SYNPO2: variants seen among roughly 807,000 people sequenced by gnomAD.
SYNPO2 encodes synaptopodin-2.
SYNPO2 carries 56 observed loss-of-function variants against 85.0 expected under a neutral mutation model. The observed-to-expected ratio is 0.66, with a 90% CI of 0.53 to 0.82. SYNPO2 has a LOEUF of 0.82. SYNPO2 is among the 40% of genes least tolerant of loss of function. SYNPO2 has a pLI of 0.00. For missense variants in SYNPO2, 1,575 were observed against 1,534.2 expected (o/e 1.03, Z -0.44); for synonymous variants, 602 against 591.1 (o/e 1.02, Z -0.27).
At chr4:118,948,737 T>C (rs1261236770) in intron 1 of SYNPO2, among the ~76,000 whole-genome samples, 1 of 152,156 alleles carries the variant, frequency 6.6e-6, no homozygotes, top group Non-Finnish European at 1.5e-5. Flanking sequence ...AACTGACTCA[T>C]GACTGTGGGG....
chr4:118,861,900 C>T (rs937277445), intron 1 of SYNPO2, among the ~76,000 whole-genome samples: 10 of 151,798 alleles, frequency 6.6e-5, no homozygotes, highest in East Asian at 1.9e-4. Flanking sequence ...TATTCAATAG[C>T]GATTGCATTA....
intron 1 of SYNPO2, among the ~76,000 whole-genome samples, chr4:118,878,895 C>A (rs1027315550): frequency 6.6e-6 from 1 of 152,190 alleles, no homozygotes; most frequent in Non-Finnish European, 1.5e-5. Flanking sequence ...ATGTTTTGTT[C>A]TTTCTCTCTC....
At chr4:118,980,702 A>C (rs992125280) in intron 1 of SYNPO2, among the ~76,000 whole-genome samples, 13 of 152,242 alleles carry the variant, frequency 8.5e-5, no homozygotes, top group African/African-American at 3.1e-4. Context: ...GCTGGAAAAG[A>C]AGCACATATA....
Position 119,051,931 on chromosome 4 carries a change from G to A in SYNPO2, c.3253-5470G>A, listed in dbSNP as rs116505258. 2.3e-3 allele frequency among the ~76,000 whole-genome samples: 357 copies of A among 152,282 alleles called. 1 individual carries two copies. The highest frequency in any genetic ancestry group is 4.4e-3 in the Non-Finnish European group (297 of 68,024). ...AGGGGTTGATTATGGCAAGGAGAGA[G>A]GATTCTGTGAGAAGGAATTCCAGAG... On this transcript the variant is annotated intron_variant, in intron 4 of 4. Transcript: ENST00000307142.
intron 4 of SYNPO2, chr4:119,037,147 C>T (rs1417383430): frequency 3.2e-6 from 5 of 1,546,044 alleles, no homozygotes; most frequent in Non-Finnish European, 4.4e-6. Flanking sequence ...GTCAAGATAT[C>T]ATAAGGACCT....
intron 1 of SYNPO2, among the ~76,000 whole-genome samples, chr4:118,940,731 A>T (rs1734281197): frequency 6.6e-6 from 1 of 152,114 alleles, no homozygotes; most frequent in Non-Finnish European, 1.5e-5. Context: ...GCTGGACAGG[A>T]TGGTTTTTCA....
intron 1 of SYNPO2, among the ~76,000 whole-genome samples, chr4:118,978,631 C>T (rs950359480): frequency 3.9e-5 from 6 of 152,154 alleles, no homozygotes; most frequent in African/African-American, 1.4e-4. Context: ...GAAAAACATT[C>T]AACTTCATTT....
At position 119,057,577 on chromosome 4, in the gene SYNPO2, G is replaced by GGAT; in HGVS notation, c.3434_3436dup (p.Asp1145dup). On this transcript the variant is annotated inframe_insertion, in exon 5 of 5. Coordinates refer to ENST00000307142, the MANE Select transcript of SYNPO2 (RefSeq NM_133477.3). Reference sequence around the variant, plus strand: ...CAGCAAAGTCTCCTCTCGGTCTAGTGGATGATGCTTTCCAACCCAGAAACA... The same window carrying GGAT: ...CAGCAAAGTCTCCTCTCGGTCTAGTGGATGATGATGCTTTCCAACCCAGAAACA... The GGAT allele has an allele frequency of 6.2e-7, 1 of 1,614,002 alleles. No individual in the cohort carries two copies. Among genetic ancestry groups the GGAT allele is most frequent in the Non-Finnish European group, 8.5e-7 (1 of 1,180,020 alleles).
At chr4:118,895,831 T>C (rs1732533722) in intron 1 of SYNPO2, among the ~76,000 whole-genome samples, 2 of 152,218 alleles carry the variant, frequency 1.3e-5, no homozygotes, top group South Asian at 4.1e-4. Context: ...TAATGTAGCT[T>C]CCAAAATAAC....
intron 1 of SYNPO2, among the ~76,000 whole-genome samples, chr4:118,992,980 G>T (rs1736464490): frequency 6.6e-6 from 1 of 152,100 alleles, no homozygotes; most frequent in African/African-American, 2.4e-5. Context: ...TCTGGACCCT[G>T]GGTGGGTGGT....
At chr4:118,927,776 TGATAGATAGATA>T (rs70944822) in intron 1 of SYNPO2, among the ~76,000 whole-genome samples, 6 of 102,570 alleles carry the variant, frequency 5.8e-5, no homozygotes, top group Admixed American at 9.9e-5. Context: ...GATAGATAGA[TGATAGATAGATA>T]GATAGATAGA....
intron 1 of SYNPO2, among the ~76,000 whole-genome samples, chr4:118,868,728 GC>G (rs1731746163): frequency 6.6e-6 from 1 of 152,152 alleles, no homozygotes; most frequent in Non-Finnish European, 1.5e-5. Context: ...CCTTTTAGAT[GC>G]TGGCGTAATT....
intron 1 of SYNPO2, among the ~76,000 whole-genome samples, chr4:119,008,168 T>TGG (rs1232092527): frequency 2.0e-5 from 3 of 152,240 alleles, no homozygotes; most frequent in African/African-American, 7.2e-5. Flanking sequence ...ACTTACTTGT[T>TGG]GGATTAAGTC....
chr4:119,052,030 AAG>A (rs1240491956), intron 4 of SYNPO2, among the ~76,000 whole-genome samples: 2 of 152,152 alleles, frequency 1.3e-5, no homozygotes, highest in African/African-American at 4.8e-5. Flanking sequence ...TGTGTGCAAG[AAG>A]AGTTTCAAAG....
chr4:119,028,671 C>A (rs1738082557), intron 3 of SYNPO2, among the ~76,000 whole-genome samples: 1 of 152,138 alleles, frequency 6.6e-6, no homozygotes, highest in African/African-American at 2.4e-5. Context: ...TGCCTGTAAT[C>A]ATATTATAAA....
At chr4:118,940,522 T>C (rs1198993174) in intron 1 of SYNPO2, among the ~76,000 whole-genome samples, 3 of 151,934 alleles carry the variant, frequency 2.0e-5, no homozygotes, top group African/African-American at 7.3e-5. Context: ...TTGACAAATA[T>C]GTATTGAATA....
At chr4:118,886,860 G>T (rs1465059149), upstream of SYNPO2, among the ~76,000 whole-genome samples, 1 of 152,094 alleles carries the variant, frequency 6.6e-6, no homozygotes, top group East Asian at 1.9e-4. Flanking sequence ...TGATTTCATT[G>T]TCCTCACTCC....
intron 1 of SYNPO2, among the ~76,000 whole-genome samples, chr4:119,007,144 TCACACACACACACG>T (rs1372346914): frequency 1.4e-5 from 2 of 141,920 alleles, no homozygotes; most frequent in Non-Finnish European, 3.1e-5. Context: ...TCTCTGTCTC[TCACACACACACACG>T]CACACACACA....
chr4:119,015,688 T>C (rs1737497862), intron 1 of SYNPO2, among the ~76,000 whole-genome samples: 1 of 152,230 alleles, frequency 6.6e-6, no homozygotes, highest in South Asian at 2.1e-4. Context: ...TATCACGTGT[T>C]CTTCTGCATC....
Sources: gnomAD v4.1 joint callset for allele counts (sites outside exome capture counted in the v4.1 genomes callset) on GRCh38, gnomAD v4.1.1 for gene constraint, MANE v1.5 for transcripts, NCBI Gene and HGNC (gene_info 2026-07-23, HGNC 2026-07-21) for gene names.